The following TTN variants were observed in gnomAD, a reference collection of about 807,000 sequenced individuals.
TTN encodes the protein connectin.
In TTN, 1,525 loss-of-function variants were observed where a neutral mutation model predicts 3,223.0. The observed-to-expected ratio is 0.47, with a 90% CI of 0.45 to 0.49. The LOEUF (loss-of-function observed/expected upper bound fraction) is 0.49, where lower values mean the gene tolerates loss of function less well. Ranked by LOEUF, TTN falls within the 20% of genes least tolerant of loss-of-function variation. The pLI, the probability that TTN is intolerant of heterozygous loss-of-function variation, is 0.00. For synonymous variants in TTN, 14,094 were observed against 15,161.0 expected (o/e 0.93, Z 5.17); for missense variants, 40,786 against 43,424.0 (o/e 0.94, Z 5.40).
At chr2:178,645,870 G>A in intron 217 of TTN, 50 bp downstream of exon 217, 1 of 1,185,696 alleles carries the variant, frequency 8.4e-7, no homozygotes, top group Non-Finnish European at 1.2e-6. Context: ...CAGATGGCTG[G>A]ATAGAAGTTT....
intron 278 of TTN, 89 bp downstream of exon 278, chr2:178,606,932 G>C: frequency 7.0e-7 from 1 of 1,432,292 alleles, no homozygotes; most frequent in Non-Finnish European, 9.4e-7. Flanking sequence ...TTTTGAGACT[G>C]TTGGGAGTTT....
In TTN at chr2:178,649,800, C is replaced by A. The variant is rs1266415651; in HGVS notation, c.39895+17G>T. 1.2e-6 allele frequency: 2 copies of A among 1,607,970 alleles called. No individual in the cohort carries two copies. Among genetic ancestry groups the A allele is most frequent in the African/African-American group, 1.3e-5 (1 of 74,396 alleles). Reference sequence around the variant, plus strand: ...GTAGACACCACAAAAATGAAGTATTCATTTTAACATGAGTACCTTTAGGAG... The same window carrying A: ...GTAGACACCACAAAAATGAAGTATTAATTTTAACATGAGTACCTTTAGGAG... On this transcript the variant is annotated intron_variant, in intron 211 of 362. Transcript: ENST00000589042.
In TTN at chr2:178,721,873, A is replaced by T. The variant is rs1265324107; in HGVS notation, c.22790T>A (p.Met7597Lys). ...CQATNDVGKD[M>K]CSAQLSVKEP... The stretch of plus-strand genomic sequence containing the variant: ...TTTTACACTGAGCTGAGCTGAGCAC[A>T]TGTCTTTGCCAACATCATTGGTTGC... Residue 7597 changes from methionine (M) to lysine (K), a missense_variant, in exon 78 of 363, where the codon ATG (methionine) becomes AAG (lysine). Physicochemically the swap from Met to Lys is moderately conservative, Grantham distance 95. Coordinates refer to ENST00000589042, the MANE Select transcript of TTN (RefSeq NM_001267550.2). 1.2e-6 allele frequency: 2 copies of T among 1,612,442 alleles called. No individual in the cohort carries two copies. The highest frequency in any genetic ancestry group is 4.5e-5 in the East Asian group (2 of 44,864).
In TTN at chr2:178,582,407, C is replaced by T. The variant is rs375663566; in HGVS notation, c.66049G>A (p.Val22017Met). The part of the protein sequence containing the change: ...SATVPITSCS[V>M]EKLIEGHEYQ... ...TCATGGCCCTCTATAAGTTTCTCCACGCTGCAGCTGGTGATAGGCACAGTT... is the reference window on the plus strand; with the variant it reads ...TCATGGCCCTCTATAAGTTTCTCCATGCTGCAGCTGGTGATAGGCACAGTT... Residue 22017 changes from valine (V) to methionine (M), a missense_variant, in exon 314 of 363, where the codon GTG becomes ATG. Physicochemically the swap from Val to Met is conservative, Grantham distance 21. Coordinates refer to ENST00000589042, the MANE Select transcript of TTN (RefSeq NM_001267550.2). The T allele has an allele frequency of 2.0e-5, 33 of 1,612,760 alleles. No homozygotes were observed. The highest frequency in any genetic ancestry group is 1.6e-4 in the Middle Eastern group (1 of 6,074).
In TTN at chr2:178,587,990, C is replaced by T. The variant is rs1167463666; in HGVS notation, c.63417G>A (p.Gln21139=). The change falls in exon 305 of 363, where the codon CAG becomes CAA. Residue 21139 remains glutamine (Q), a synonymous_variant. Coordinates refer to ENST00000589042, the MANE Select transcript of TTN (RefSeq NM_001267550.2). ...GGGCACACACCCTGAACTCATATTC[C>T]TGGTTTTCATCCAAGCTGGTAACAG... ...EFTVTSLDEN[Q]EYEFRVCAQN... 1 of 1,612,430 alleles carries T rather than the reference C, an allele frequency of 6.2e-7. No homozygotes were observed. The highest frequency in any genetic ancestry group is 1.3e-5 in the African/African-American group (1 of 74,848).
chr2:178,763,606 A>G (rs2089764277), intron 43 of TTN, among the ~76,000 whole-genome samples: 1 of 152,182 alleles, frequency 6.6e-6, no homozygotes, highest in South Asian at 2.1e-4. Context: ...ATTGAATGCA[A>G]TCATATACTC....
chr2:178,741,747 G>A lies in TTN; in HGVS notation c.11486C>T (p.Ala3829Val), dbSNP rs778583163. 1 of 1,613,598 alleles carries A rather than the reference G, an allele frequency of 6.2e-7. No homozygotes were observed. Among genetic ancestry groups the A allele is most frequent in the East Asian group, 2.2e-5 (1 of 44,798 alleles). Residue 3829 changes from alanine (A) to valine (V), a missense_variant, in exon 48 of 363, where the codon GCT becomes GTT. Coordinates refer to ENST00000589042, the MANE Select transcript of TTN (RefSeq NM_001267550.2). ...GPIFIKEVSN[A>V]DISMGDVATL... ...AGCCACATCCCCCATGCTTATATCA[G>A]CATTTGACACTTCTTTGATGAAAAT...
At position 178,611,829 on chromosome 2, in the gene TTN, C is replaced by T. The variant is rs138896856; in HGVS notation, c.50480G>A (p.Arg16827Gln). Reference protein sequence around the residue: ...IEGTEVQFQVRAENEAGVGHP... With the variant: ...IEGTEVQFQVQAENEAGVGHP... ...GCCAACTCCAGCTTCATTTTCAGCC[C>T]GAACCTGAAACTGGACCTCTGTTCC... The change falls in exon 268 of 363, where the codon CGG (arginine) becomes CAG (glutamine). Residue 16827 changes from arginine (R) to glutamine (Q), a missense_variant. Transcript: ENST00000589042. 173 of 1,612,954 alleles carry T rather than the reference C, an allele frequency of 1.1e-4. No individual in the cohort carries two copies. The highest frequency in any genetic ancestry group is 4.6e-4 in the South Asian group (42 of 91,024).
At position 178,584,313 on chromosome 2, in the gene TTN, G is replaced by C; in HGVS notation, c.65238C>G (p.Ser21746Arg). Reference protein sequence around the residue: ...ALNKAGSSPPSKPTEYVTARM... With the variant: ...ALNKAGSSPPRKPTEYVTARM... ...TTGCAGTTACATATTCTGTGGGTTT[G>C]CTGGGTGGGCTGGATCCAGCTTTGT... The change falls in exon 311 of 363, where the codon AGC becomes AGG. Residue 21746 changes from serine (S) to arginine (R), a missense_variant. Physicochemically the swap from Ser to Arg is moderately radical, Grantham distance 110. Transcript: ENST00000589042. The C allele has an allele frequency of 3.1e-6, 5 of 1,597,452 alleles. No individual in the cohort carries two copies. The highest frequency in any genetic ancestry group is 1.1e-5 in the South Asian group (1 of 89,116).
rs752991005 is a variant in TTN, at chr2:178,560,634, T to C, written c.85498A>G (p.Ile28500Val). The change falls in exon 326 of 363, where the codon ATA (isoleucine) becomes GTA (valine). Residue 28500 changes from isoleucine to valine, a missense_variant. By Grantham distance (29) the Ile-to-Val change is conservative. Transcript: ENST00000589042. ...KRETSHLAWT[I>V]CEGELQMTSC... Reference sequence around the variant, plus strand: ...GTCATCTGTAACTCTCCTTCACATATTGTCCATGCAAGGTGGCTTGTTTCA... The same window carrying C: ...GTCATCTGTAACTCTCCTTCACATACTGTCCATGCAAGGTGGCTTGTTTCA... 1 of 1,613,532 alleles carries C rather than the reference T, an allele frequency of 6.2e-7. No homozygotes were observed. Among genetic ancestry groups the C allele is most frequent in the African/African-American group, 1.3e-5 (1 of 74,918 alleles).
Position 178,706,589 on chromosome 2 carries a change from G to T in TTN, c.29285C>A (p.Thr9762Lys). Reference protein sequence around the residue: ...DEAKLEIRDTTKTDSGLYRCV... With the variant: ...DEAKLEIRDTKKTDSGLYRCV... The stretch of plus-strand genomic sequence containing the variant: ...TCGGTATAACCCAGAATCAGTTTTT[G>T]TGGTGTCCCTAATCTCCAGTTTTGC... Residue 9762 changes from threonine (T) to lysine (K), a missense_variant, in exon 102 of 363, where the codon ACA (threonine) becomes AAA (lysine). Coordinates refer to ENST00000589042, the MANE Select transcript of TTN (RefSeq NM_001267550.2). The T allele has an allele frequency of 1.2e-6, 2 of 1,613,824 alleles. No homozygotes were observed. The highest frequency in any genetic ancestry group is 1.7e-6 in the Non-Finnish European group (2 of 1,179,824).
Position 178,591,641 on chromosome 2 carries a change from G to T in TTN, c.60178C>A (p.Leu20060Ile), listed in dbSNP as rs756818819. 6.2e-7 allele frequency: 1 copy of T among 1,613,440 alleles called. No individual in the cohort carries two copies. Among genetic ancestry groups the T allele is most frequent in the Non-Finnish European group, 8.5e-7 (1 of 1,179,556 alleles). ...TCTATCGGGATAGTTGTGTCAGGGA[G>T]ACCAAGACCCACAATGTTTTCAGCT... is the stretch of plus-strand genomic sequence containing the variant. ...VKAENIVGLG[L>I]PDTTIPIECQ... Residue 20060 changes from leucine to isoleucine, a missense_variant, in exon 303 of 363, where the codon CTC becomes ATC. Leu to Ile is a conservative substitution (Grantham distance 5). Transcript: ENST00000589042.
rs764050491 is a variant in TTN at position 178,729,363 on chromosome 2, C to G, written c.18793G>C (p.Asp6265His). Residue 6265 changes from aspartate (D) to histidine (H), a missense_variant, in exon 64 of 363, where the codon GAC becomes CAC. Physicochemically the swap from Asp to His is moderately conservative, Grantham distance 81. Transcript: ENST00000589042. ...NLHITKCDPS[D>H]TGEYQCIVSN... The stretch of plus-strand genomic sequence containing the variant: ...ACAATGCACTGGTATTCCCCAGTGT[C>G]TGAAGGGTCACACTTGGTTATATGG... The G allele has an allele frequency of 6.2e-7, 1 of 1,613,612 alleles. No individual in the cohort carries two copies.
In TTN at chr2:178,533,297, T is replaced by C. The variant is rs564640252; in HGVS notation, c.103318A>G (p.Asn34440Asp). ...DTGYYRVTAT[N>D]TAGSTSCQAH... Reference sequence around the variant, plus strand: ...TGGCAGCTGGTGGACCCAGCTGTGTTAGTGGCTGTGACTCTATAATAACCC... The same window carrying C: ...TGGCAGCTGGTGGACCCAGCTGTGTCAGTGGCTGTGACTCTATAATAACCC... The change falls in exon 358 of 363, where the codon AAC (asparagine) becomes GAC (aspartate). Residue 34440 changes from asparagine (N) to aspartate (D), a missense_variant. Transcript: ENST00000589042. 1 of 1,613,992 alleles carries C rather than the reference T, an allele frequency of 6.2e-7. No homozygotes were observed. The highest frequency in any genetic ancestry group is 1.1e-5 in the South Asian group (1 of 91,088).
chr2:178,589,880 G>C lies in TTN; in HGVS notation c.61845C>G (p.Gly20615=). Residue 20615 remains glycine, a synonymous_variant, in exon 304 of 363, where the codon GGC becomes GGG. Transcript: ENST00000589042. ...TGACATCTGATGCAACAATTGACCAGCCTTTCTGGTTTGGTTTGCGATATT... is the reference window on the plus strand; with the variant it reads ...TGACATCTGATGCAACAATTGACCACCCTTTCTGGTTTGGTTTGCGATATT... The part of the protein sequence containing the change: ...IVEYRKPNQK[G]WSIVASDVTK... 1 of 1,613,400 alleles carries C rather than the reference G, an allele frequency of 6.2e-7. No homozygotes were observed. Among genetic ancestry groups the C allele is most frequent in the Non-Finnish European group, 8.5e-7 (1 of 1,179,588 alleles).
chr2:178,557,813 T>G lies in TTN; in HGVS notation c.87541A>C (p.Ser29181Arg), dbSNP rs776861234. The G allele has an allele frequency of 1.2e-6, 2 of 1,613,868 alleles. No homozygotes were observed. The highest frequency in any genetic ancestry group is 1.3e-5 in the African/African-American group (1 of 74,938). Reference protein sequence around the residue: ...TNYILLKRETSTAVWTEVSAT... With the variant: ...TNYILLKRETRTAVWTEVSAT... ...GACACTTCAGTCCACACTGCAGTAC[T>G]TGTTTCTCTTTTGAGTAGAATGTAG... is the stretch of plus-strand genomic sequence containing the variant. Residue 29181 changes from serine to arginine, a missense_variant, in exon 328 of 363, where the codon AGT (serine) becomes CGT (arginine). Coordinates refer to ENST00000589042, the MANE Select transcript of TTN (RefSeq NM_001267550.2).
Position 178,782,445 on chromosome 2 carries a change from C to T in TTN, c.3165-18G>A, listed in dbSNP as rs780686899. ...CAACAAAGCTGGAAAGAGAATTCCC[C>T]TCATATTAGCTTCCGGGTTGCAATT... On this transcript the variant is annotated intron_variant, in intron 19 of 362. Coordinates refer to ENST00000589042, the MANE Select transcript of TTN (RefSeq NM_001267550.2). 1 of 1,613,984 alleles carries T rather than the reference C, an allele frequency of 6.2e-7. No individual in the cohort carries two copies. Among genetic ancestry groups the T allele is most frequent in the Non-Finnish European group, 8.5e-7 (1 of 1,179,954 alleles).
At chr2:178,580,884 T>A (rs1043445020) in intron 316 of TTN, 1 of 348,858 alleles carries the variant, frequency 2.9e-6, no homozygotes, top group African/African-American at 2.2e-5. Context: ...ATGCTACATA[T>A]ATTAAAAGGA....
rs2084662401 is a variant in TTN at position 178,749,309 on chromosome 2, C to T, written c.11311+3815G>A. ...CAGCTTTGATTTTTCACTTACATGT[C>T]TCTCTTTCCCTTCAGCCTGACATTG... On this transcript the variant is annotated intron_variant, in intron 47 of 362. Transcript: ENST00000589042. 3 of 1,611,938 alleles carry T rather than the reference C, an allele frequency of 1.9e-6. No individual in the cohort carries two copies. The South Asian group carries it at 3.3e-5, about 18-fold the overall frequency.
Sources: gnomAD v4.1 joint callset for allele counts (sites outside exome capture counted in the v4.1 genomes callset) on GRCh38, gnomAD v4.1.1 for gene constraint, MANE v1.5 for transcripts, NCBI Gene and HGNC (gene_info 2026-07-23, HGNC 2026-07-21) for gene names.